The following PCDHGA2 variants were observed in gnomAD, a reference collection of about 807,000 sequenced individuals.
PCDHGA2 encodes protocadherin gamma subfamily A, 2.
Under a neutral mutation model 59.2 loss-of-function variants are expected in PCDHGA2, and 40 were observed. The observed-to-expected ratio is 0.68, with a 90% CI of 0.52 to 0.88. The LOEUF is 0.88. Ranked by LOEUF, PCDHGA2 falls within the 40% of genes least tolerant of loss-of-function variation. The pLI is 0.00. For synonymous variants in PCDHGA2, 560 were observed against 526.0 expected (o/e 1.06, Z -0.89); for missense variants, 1,226 against 1,204.0 (o/e 1.02, Z -0.27).
intron 1 of PCDHGA2, among the ~76,000 whole-genome samples, chr5:141,397,616 T>G (rs918214976): frequency 2.0e-5 from 3 of 152,194 alleles, no homozygotes; most frequent in Non-Finnish European, 4.4e-5. Context: ...AGGGCAATAC[T>G]TAGTTCTAGC....
chr5:141,478,045 T>A, intron 1 of PCDHGA2: 1 of 1,614,144 alleles, frequency 6.2e-7, no homozygotes, highest in Non-Finnish European at 8.5e-7. Context: ...CCAGGCAGAC[T>A]CTCACGGTCT....
At chr5:141,424,841 C>A (rs1303241053) in intron 1 of PCDHGA2, among the ~76,000 whole-genome samples, 1 of 152,126 alleles carries the variant, frequency 6.6e-6, no homozygotes. Context: ...TACATGTTAT[C>A]TGAAGCAATG....
Position 141,487,298 on chromosome 5 carries a change from G to T in PCDHGA2, c.2425-7509G>T. 6.2e-7 allele frequency: 1 copy of T among 1,614,072 alleles called. No individual in the cohort carries two copies. Among genetic ancestry groups the T allele is most frequent in the Non-Finnish European group, 8.5e-7 (1 of 1,180,018 alleles). ...TTGCTTTGTCTCCTTTGGCTCATTC[G>T]TGGCACTACTCTCTAAGTGTCTTCG... On this transcript the variant is annotated intron_variant, in intron 1 of 3. Coordinates refer to ENST00000394576, the MANE Select transcript of PCDHGA2 (RefSeq NM_018915.4). This position sits in a 1 kb window ranked among gnomAD's most constrained non-coding sequence, Gnocchi z 5.0.
At chr5:141,418,029 G>A (rs775326655) in intron 1 of PCDHGA2, 1 of 1,614,022 alleles carries the variant, frequency 6.2e-7, no homozygotes, top group Non-Finnish European at 8.5e-7. Context: ...CTAGGGCTTA[G>A]TGTCCTGGAT....
rs748357509 is a variant in PCDHGA2 at position 141,384,447 on chromosome 5, G to A, written c.2424+43052G>A. The A allele has an allele frequency of 2.0e-5, 32 of 1,613,890 alleles. No homozygotes were observed. The African/African-American group carries it at 2.4e-4, about 12-fold the overall frequency. The stretch of plus-strand genomic sequence containing the variant: ...ACTCTGACACTGGAGTCCTGTACGC[G>A]CTGCAATCCTTTGATTATGAGCAGT... On this transcript the variant is annotated intron_variant, in intron 1 of 3. Coordinates refer to ENST00000394576, the MANE Select transcript of PCDHGA2 (RefSeq NM_018915.4).
At chr5:141,447,884 G>A (rs1324802340) in intron 1 of PCDHGA2, among the ~76,000 whole-genome samples, 1 of 152,024 alleles carries the variant, frequency 6.6e-6, no homozygotes, top group Non-Finnish European at 1.5e-5. Context: ...TCAGGAGTTC[G>A]AGACCAGCCT....
chr5:141,478,323 G>C, intron 1 of PCDHGA2: 1 of 1,613,958 alleles, frequency 6.2e-7, no homozygotes, highest in Non-Finnish European at 8.5e-7. Flanking sequence ...TCACTGTACC[G>C]AACACCAGGG....
At chr5:141,383,007 G>T (rs1047921009) in intron 1 of PCDHGA2, 1 of 1,613,748 alleles carries the variant, frequency 6.2e-7, no homozygotes, top group Admixed American at 1.7e-5. Context: ...ACTCCGTGTC[G>T]GAGGAGACGG....
At chr5:141,413,716 C>T in intron 1 of PCDHGA2, 2 of 1,613,608 alleles carry the variant, frequency 1.2e-6, no homozygotes, top group Non-Finnish European at 1.7e-6. Flanking sequence ...CCCCAATAAG[C>T]ACTTCTCCCT....
chr5:141,424,401 G>A (rs1167861346), intron 1 of PCDHGA2: 1 of 151,844 alleles, frequency 6.6e-6, no homozygotes, highest in Non-Finnish European at 1.5e-5. Flanking sequence ...CCATTACTAT[G>A]GTGAAGTTAC....
intron 1 of PCDHGA2, chr5:141,393,480 T>G (rs1026854698): frequency 5.0e-6 from 8 of 1,613,942 alleles, no homozygotes; most frequent in Non-Finnish European, 6.8e-6. Context: ...GCCGCCTCGC[T>G]CTAGCACAGT....
At chr5:141,410,369 A>G in intron 1 of PCDHGA2, 1 of 1,613,954 alleles carries the variant, frequency 6.2e-7, no homozygotes. Context: ...CAGCCCTGCT[A>G]CTTGGGACTG....
chr5:141,394,178 C>T (rs1180220826), intron 1 of PCDHGA2: 2 of 1,613,812 alleles, frequency 1.2e-6, no homozygotes, highest in South Asian at 2.2e-5. Flanking sequence ...TCCCTCATGC[C>T]TCCTACTCAG....
chr5:141,345,509 C>T lies in PCDHGA2; in HGVS notation c.2424+4114C>T, dbSNP rs753266989. 13 of 1,614,138 alleles carry T rather than the reference C, an allele frequency of 8.1e-6. No homozygotes were observed. In the South Asian group the frequency reaches 1.2e-4, roughly 15 times the overall value. ...ACGCCCGCATCACTTATGCATTGAC[C>T]GAGGACACTCTCCAGGGGGCGCCCC... On this transcript the variant is annotated intron_variant, in intron 1 of 3. Coordinates refer to ENST00000394576, the MANE Select transcript of PCDHGA2 (RefSeq NM_018915.4).
intron 1 of PCDHGA2, among the ~76,000 whole-genome samples, chr5:141,447,285 A>G (rs143024915): frequency 0.046 from 7,013 of 152,060 alleles, 241 homozygotes; most frequent in African/African-American, 0.093. Context: ...GACTACAGGC[A>G]CATGCCACCA....
intron 1 of PCDHGA2, chr5:141,420,292 T>C (rs761934978): frequency 2.7e-6 from 4 of 1,485,132 alleles, no homozygotes; most frequent in Middle Eastern, 1.8e-4. Context: ...TTTAAAAATG[T>C]ATTTAATCCT....
In PCDHGA2 at chr5:141,430,843, C is replaced by T. The variant is rs1370427603; in HGVS notation, c.2425-63964C>T. 2.6e-6 allele frequency: 4 copies of T among 1,568,356 alleles called. No homozygotes were observed. The African/African-American group carries it at 4.1e-5, about 16-fold the overall frequency. On this transcript the variant is annotated intron_variant, in intron 1 of 3. Coordinates refer to ENST00000394576, the MANE Select transcript of PCDHGA2 (RefSeq NM_018915.4). ...TGGGGACTCTGTGGGAGACCGGATG[C>T]ACCCAGATACGCTATTCAGTTCCGG...
intron 3 of PCDHGA2, among the ~76,000 whole-genome samples, chr5:141,509,422 G>A (rs1181133903): frequency 3.3e-5 from 5 of 152,136 alleles, no homozygotes; most frequent in Non-Finnish European, 5.9e-5. Flanking sequence ...GCCCCAATGA[G>A]TCAAACTCTT....
At chr5:141,343,840 G>A (rs1040013193) in intron 1 of PCDHGA2, 15 of 507,432 alleles carry the variant, frequency 3.0e-5, no homozygotes, top group African/African-American at 2.6e-4. Flanking sequence ...CCATTTCCTT[G>A]CTCCTAAAAT....
Sources: allele counts gnomAD v4.1 joint callset (sites outside exome capture counted in the v4.1 genomes callset), GRCh38; gene constraint gnomAD v4.1.1; non-coding constraint Gnocchi (gnomAD v3.1); transcripts MANE v1.5; gene names NCBI Gene and HGNC (gene_info 2026-07-23, HGNC 2026-07-21).